The following FNDC3B variants were observed in gnomAD, a reference collection of about 807,000 sequenced individuals.
The protein encoded by FNDC3B is fibronectin type III domain containing 3B.
In FNDC3B, 12 loss-of-function variants were observed where a neutral mutation model predicts 151.5. That is an observed-to-expected ratio of 0.08 (90% CI 0.05 to 0.13). FNDC3B has a LOEUF of 0.13. FNDC3B is among the 10% of genes least tolerant of loss of function. The pLI is 1.00. For synonymous variants in FNDC3B, 528 were observed against 549.0 expected (o/e 0.96, Z 0.54); for missense variants, 1,214 against 1,505.3 (o/e 0.81, Z 3.20).
At chr3:172,336,652 G>GCTTTGGGATTA (rs1259282272) in intron 15 of FNDC3B, among the ~76,000 whole-genome samples, 2 of 152,026 alleles carry the variant, frequency 1.3e-5, no homozygotes, top group Non-Finnish European at 2.9e-5. Context: ...TGTAATCCCA[G>GCTTTGGGATTA]CACTTTGGGA....
chr3:172,257,991 A>C (rs1728449738), intron 6 of FNDC3B, among the ~76,000 whole-genome samples: 1 of 152,202 alleles, frequency 6.6e-6, no homozygotes, highest in African/African-American at 2.4e-5. Context: ...ACTTGGTTTA[A>C]GTTGAAGTAT....
At chr3:172,322,093 T>C (rs1408369613) in intron 11 of FNDC3B, among the ~76,000 whole-genome samples, 1 of 152,178 alleles carries the variant, frequency 6.6e-6, no homozygotes, top group Non-Finnish European at 1.5e-5. Context: ...AAACAATCAC[T>C]TTCTTATGCT....
intron 6 of FNDC3B, among the ~76,000 whole-genome samples, chr3:172,280,399 G>T (rs1729647203): frequency 6.6e-6 from 1 of 151,946 alleles, no homozygotes; most frequent in Non-Finnish European, 1.5e-5. Context: ...TTTACTGTTG[G>T]CTTTAGGCTT....
At chr3:172,151,734 ATGT>A (rs1722233273) in intron 3 of FNDC3B, among the ~76,000 whole-genome samples, 1 of 152,146 alleles carries the variant, frequency 6.6e-6, no homozygotes, top group Admixed American at 6.5e-5. Flanking sequence ...TCCTCATGTA[ATGT>A]TGTGGATAGG....
intron 3 of FNDC3B, among the ~76,000 whole-genome samples, chr3:172,174,807 A>ATG (rs1016235175): frequency 1.1e-4 from 17 of 152,024 alleles, no homozygotes; most frequent in African/African-American, 4.1e-4. Context: ...ATTTAGTATG[A>ATG]TGTTTATCTA....
At position 172,285,938 on chromosome 3, in the gene FNDC3B, A is replaced by C; in HGVS notation, c.803A>C (p.Glu268Ala). 1.2e-6 allele frequency: 2 copies of C among 1,612,974 alleles called. No homozygotes were observed. Among genetic ancestry groups the C allele is most frequent in the Non-Finnish European group, 1.7e-6 (2 of 1,179,370 alleles). Residue 268 changes from glutamate to alanine, a missense_variant, in exon 7 of 26, where the codon GAA (glutamate) becomes GCA (alanine). This residue lies in a region of FNDC3B where 166 missense variants were observed against 173.2 expected (regional missense o/e 0.96). Coordinates refer to ENST00000415807, the MANE Select transcript of FNDC3B (RefSeq NM_022763.4). ...TTTCGCAATGCAGAATATGAGTTGGAAGTAAAGAGGGTGCAAGACATTCTT... is the reference window on the plus strand; with the variant it reads ...TTTCGCAATGCAGAATATGAGTTGGCAGTAAAGAGGGTGCAAGACATTCTT... ...NDSDLQEYEL[E>A]VKRVQDILSG...
intron 3 of FNDC3B, among the ~76,000 whole-genome samples, chr3:172,169,371 G>C (rs567528307): frequency 1.3e-5 from 2 of 152,346 alleles, no homozygotes; most frequent in South Asian, 4.1e-4. Context: ...GAGCTAACTG[G>C]TATGTTTGGT....
intron 6 of FNDC3B, among the ~76,000 whole-genome samples, chr3:172,252,981 G>T (rs917905583): frequency 1.3e-5 from 2 of 152,088 alleles, no homozygotes; most frequent in African/African-American, 4.8e-5. Flanking sequence ...TATTAGCAAT[G>T]TTACAATTTA....
intron 1 of FNDC3B, among the ~76,000 whole-genome samples, chr3:172,092,107 G>A (rs1718865716): frequency 6.6e-6 from 1 of 152,138 alleles, no homozygotes; most frequent in South Asian, 2.1e-4. Context: ...CACATTTCAA[G>A]TGTTTATGAT....
At chr3:172,123,950 G>A (rs889454585) in intron 2 of FNDC3B, among the ~76,000 whole-genome samples, 5 of 152,194 alleles carry the variant, frequency 3.3e-5, no homozygotes, top group Admixed American at 2.0e-4. Flanking sequence ...GGTGGAGTTG[G>A]GTGTTAGGAG....
chr3:172,126,370 G>A (rs1398955069), intron 2 of FNDC3B, among the ~76,000 whole-genome samples: 2 of 152,084 alleles, frequency 1.3e-5, no homozygotes, highest in Non-Finnish European at 2.9e-5. Flanking sequence ...GAGAAGAATT[G>A]GAATAATCTG....
chr3:172,316,175 T>C (rs1220953081), intron 11 of FNDC3B, among the ~76,000 whole-genome samples: 1 of 151,890 alleles, frequency 6.6e-6, no homozygotes, highest in East Asian at 1.9e-4. Context: ...ACCCAGCTAA[T>C]TTTTATATTT....
intron 3 of FNDC3B, chr3:172,225,986 T>C (rs1175453010): frequency 1.3e-5 from 2 of 152,204 alleles, no homozygotes; most frequent in Non-Finnish European, 2.9e-5. Context: ...AAATTTGGCA[T>C]ACATATTTTT....
At chr3:172,292,421 T>C (rs1038169960) in intron 7 of FNDC3B, among the ~76,000 whole-genome samples, 1 of 152,248 alleles carries the variant, frequency 6.6e-6, no homozygotes, top group Non-Finnish European at 1.5e-5. Flanking sequence ...GTTATTTTAG[T>C]TGATGCTTCA....
intron 3 of FNDC3B, among the ~76,000 whole-genome samples, chr3:172,209,422 C>G (rs1272829808): frequency 6.6e-6 from 1 of 152,132 alleles, no homozygotes; most frequent in African/African-American, 2.4e-5. Flanking sequence ...GGAGGGTGAG[C>G]AAGGCCGAGA....
intron 6 of FNDC3B, among the ~76,000 whole-genome samples, chr3:172,276,569 G>A (rs1202858723): frequency 6.6e-6 from 1 of 152,122 alleles, no homozygotes; most frequent in African/African-American, 2.4e-5. Context: ...TAACTGTCAG[G>A]TAAAAGGGCA....
chr3:172,200,656 G>A (rs945943402), intron 3 of FNDC3B, among the ~76,000 whole-genome samples: 2 of 152,230 alleles, frequency 1.3e-5, no homozygotes, highest in African/African-American at 4.8e-5. Context: ...TAGGTTAGGT[G>A]TATTAAATGC....
intron 15 of FNDC3B, 112 bp downstream of exon 15, chr3:172,335,194 CAGA>C: frequency 9.9e-6 from 11 of 1,115,074 alleles, no homozygotes; most frequent in Non-Finnish European, 1.4e-5. Context: ...ATGGTATTTG[CAGA>C]AGTTTTCTGC....
rs994255080 is a variant in FNDC3B at position 172,129,029 on chromosome 3, C to T, written c.112-4442C>T. On this transcript the variant is annotated intron_variant, in intron 2 of 25. Transcript: ENST00000415807. ...GTTGTCCGGGCTGGAGTGCAGTTGG[C>T]ACCGTCACGGTTTGCTACAGCCTCG... Among the ~76,000 whole-genome samples the T allele has an allele frequency of 2.6e-5, 4 of 152,146 alleles. No individual in the cohort carries two copies. The East Asian group carries it at 7.7e-4, about 29-fold the overall frequency.
Sources: gnomAD v4.1 joint callset for allele counts (sites outside exome capture counted in the v4.1 genomes callset) on GRCh38, gnomAD v4.1.1 for gene constraint, gnomAD v4.1.1 regional missense constraint, MANE v1.5 for transcripts, NCBI Gene and HGNC (gene_info 2026-07-23, HGNC 2026-07-21) for gene names.